Variants in TNS1 observed in about 807,000 individuals in gnomAD.
TNS1 encodes the protein tensin 1, also known as tensin-1.
In TNS1, 62 loss-of-function variants were observed where a neutral mutation model predicts 168.6. The observed-to-expected ratio is 0.37, with a 90% CI of 0.30 to 0.45. TNS1 has a LOEUF of 0.45. TNS1 is among the 20% of genes least tolerant of loss of function. TNS1 has a pLI of 1.00. For synonymous variants in TNS1, 934 were observed against 933.2 expected, an observed-to-expected ratio of 1.00 and a Z score of -0.02; for missense variants, 2,240 against 2,339.4, an observed-to-expected ratio of 0.96 and a Z score of 0.88.
At chr2:217,961,021 G>T (rs1000942989) in intron 3 of TNS1, among the ~76,000 whole-genome samples, 1 of 151,982 alleles carries the variant, frequency 6.6e-6, no homozygotes, top group Non-Finnish European at 1.5e-5. Context: ...TGTATGTAGG[G>T]TTTTCCCCTT....
At chr2:217,992,430 G>A (rs904051340) in intron 1 of TNS1, 1 of 152,308 alleles carries the variant, frequency 6.6e-6, no homozygotes, top group African/African-American at 2.4e-5. Context: ...ATAGAGGCTG[G>A]AGAGGAGGAC....
chr2:217,897,856 C>T lies in TNS1; in HGVS notation c.485G>A (p.Arg162Gln), dbSNP rs772956909. ...CTGCGCCACCTCACGGAGGTTGCTC[C>T]GGAAGTTCTCCTCATTGGCTGTGCT... ...FPSTANEENF[R>Q]SNLREVAQML... The change falls in exon 8 of 33, where the codon CGG (arginine) becomes CAG (glutamine). Residue 162 changes from arginine (R) to glutamine (Q), a missense_variant. By Grantham distance (43) the Arg-to-Gln change is conservative (BLOSUM62 1). Coordinates refer to ENST00000682258, the MANE Select transcript of TNS1 (RefSeq NM_001387777.1). 1.2e-5 allele frequency: 19 copies of T among 1,613,290 alleles called. No homozygotes were observed. Among genetic ancestry groups the T allele is most frequent in the Middle Eastern group, 1.6e-4 (1 of 6,078 alleles).
chr2:217,889,881 C>T (rs983696915), intron 12 of TNS1, among the ~76,000 whole-genome samples: 14 of 152,190 alleles, frequency 9.2e-5, no homozygotes, highest in Non-Finnish European at 1.8e-4. Flanking sequence ...GGGTTTCCCA[C>T]CATCCTGGCT....
chr2:217,926,204 C>T (rs1292832804), intron 3 of TNS1, among the ~76,000 whole-genome samples: 3 of 152,182 alleles, frequency 2.0e-5, no homozygotes, highest in Admixed American at 6.5e-5. Context: ...ATCTCAGCCT[C>T]TGGATTCCAG....
At chr2:217,949,911 T>A (rs1336576362) in intron 3 of TNS1, among the ~76,000 whole-genome samples, 1 of 151,882 alleles carries the variant, frequency 6.6e-6, no homozygotes, top group African/African-American at 2.4e-5. Flanking sequence ...TCGATAAGAG[T>A]TCATACAGCA....
chr2:217,836,513 A>G (rs1388273873), intron 19 of TNS1, among the ~76,000 whole-genome samples: 8 of 152,060 alleles, frequency 5.3e-5, no homozygotes, highest in Admixed American at 5.2e-4. Context: ...ACTACTTCCA[A>G]CCCCTGGAGG....
At chr2:217,956,504 G>A (rs1426085807) in intron 3 of TNS1, among the ~76,000 whole-genome samples, 1 of 152,208 alleles carries the variant, frequency 6.6e-6, no homozygotes, top group African/African-American at 2.4e-5. Flanking sequence ...AGGCTGCGGG[G>A]AGAGGATGGA....
rs991390777 is a variant in TNS1, at chr2:217,948,573, G to A, written c.187-28337C>T. On this transcript the variant is annotated intron_variant, in intron 3 of 32. Coordinates refer to ENST00000682258, the MANE Select transcript of TNS1 (RefSeq NM_001387777.1). The surrounding 1 kb of genome is among the most constrained non-coding windows in gnomAD (Gnocchi z 4.1). The stretch of plus-strand genomic sequence containing the variant: ...CCCCGCTACAGCTAGAGATGAGTTC[G>A]GGCTGTCTCCCAGGGTGCTTCCATC... Among the ~76,000 whole-genome samples the A allele has an allele frequency of 3.3e-5, 5 of 152,094 alleles. No homozygotes were observed. The highest frequency in any genetic ancestry group is 3.9e-4 in the East Asian group (2 of 5,186).
intron 10 of TNS1, 94 bp from the exon 11 acceptor site, chr2:217,893,106 C>A (rs1951902433): frequency 1.3e-6 from 2 of 1,484,564 alleles, no homozygotes; most frequent in Non-Finnish European, 1.9e-6. Flanking sequence ...AGAGTCAGGG[C>A]TGGAGAGAGG....
chr2:217,939,044 C>CAATAAT (rs760522098), intron 3 of TNS1, among the ~76,000 whole-genome samples: 27 of 151,742 alleles, frequency 1.8e-4, no homozygotes, highest in African/African-American at 5.1e-4. Context: ...CCACCACCAC[C>CAATAAT]AATAATAATA....
chr2:217,949,165 G>A (rs1052760438), intron 3 of TNS1, among the ~76,000 whole-genome samples: 1 of 152,218 alleles, frequency 6.6e-6, no homozygotes, highest in African/African-American at 2.4e-5. Flanking sequence ...TTGGTGACCA[G>A]AGGAAATTCT....
chr2:218,027,324 T>C (rs1958859330), intron 1 of TNS1, among the ~76,000 whole-genome samples: 2 of 151,924 alleles, frequency 1.3e-5, no homozygotes, highest in African/African-American at 4.8e-5. Flanking sequence ...TCAAGGCCCT[T>C]TGCATGTAGA....
intron 3 of TNS1, among the ~76,000 whole-genome samples, chr2:217,951,385 C>G (rs1437054236): frequency 6.6e-6 from 1 of 152,196 alleles, no homozygotes; most frequent in African/African-American, 2.4e-5. Context: ...TGAGTGTTTC[C>G]CAATTGACAT....
chr2:217,825,725 C>T (rs1015142705), intron 22 of TNS1, among the ~76,000 whole-genome samples: 1 of 152,194 alleles, frequency 6.6e-6, no homozygotes, highest in South Asian at 2.1e-4. Context: ...CTGCTTCTGG[C>T]CTAAACACAG....
intron 12 of TNS1, chr2:217,890,371 A>G (rs942337388): frequency 2.0e-5 from 3 of 152,658 alleles, no homozygotes; most frequent in African/African-American, 7.2e-5. Context: ...AAGGGAAAGG[A>G]CTTTTTCCTG....
intron 18 of TNS1, among the ~76,000 whole-genome samples, chr2:217,851,670 A>C (rs935159418): frequency 1.3e-4 from 20 of 152,140 alleles, no homozygotes; most frequent in Admixed American, 1.3e-4. Flanking sequence ...TACATTCTGA[A>C]TCTCCACCAA....
chr2:217,980,227 C>G (rs530494558), intron 2 of TNS1, among the ~76,000 whole-genome samples: 78 of 152,284 alleles, frequency 5.1e-4, no homozygotes, highest in African/African-American at 1.7e-3. Context: ...GCCACCCAGC[C>G]TAGCTCAGGG....
At chr2:217,982,593 A>G (rs1958083415) in intron 2 of TNS1, among the ~76,000 whole-genome samples, 1 of 151,842 alleles carries the variant, frequency 6.6e-6, no homozygotes, top group Non-Finnish European at 1.5e-5. Flanking sequence ...TTGTAGAGAG[A>G]GGGTTTTGCC....
intron 32 of TNS1, among the ~76,000 whole-genome samples, chr2:217,807,658 T>G (rs1297428005): frequency 1.3e-5 from 2 of 152,142 alleles, no homozygotes; most frequent in African/African-American, 4.8e-5. Context: ...GCTCCCACAT[T>G]CTGATAAGGC....
Sources: allele counts gnomAD v4.1 joint callset (sites outside exome capture counted in the v4.1 genomes callset), GRCh38; gene constraint gnomAD v4.1.1; non-coding constraint Gnocchi (gnomAD v3.1); transcripts MANE v1.5; gene names NCBI Gene and HGNC (gene_info 2026-07-23, HGNC 2026-07-21).